The following MIDEAS variants were observed in gnomAD, a reference collection of about 807,000 sequenced individuals.
The protein encoded by MIDEAS is mitotic deacetylase-associated SANT domain protein.
In MIDEAS, 26 loss-of-function variants were observed where a neutral mutation model predicts 102.7. The observed-to-expected ratio is 0.25, with a 90% CI of 0.19 to 0.35. MIDEAS has a LOEUF of 0.35. Among genes scored for constraint, MIDEAS ranks in the 10% least tolerant of loss-of-function variants. The pLI, the probability that MIDEAS is intolerant of heterozygous loss-of-function variation, is 1.00. For missense variants in MIDEAS, 1,231 were observed against 1,435.6 expected, an observed-to-expected ratio of 0.86 and a Z score of 2.30; for synonymous variants, 585 against 591.0, an observed-to-expected ratio of 0.99 and a Z score of 0.15.
chr14:73,756,295 T>TGTGCGA (rs55692592), intron 1 of MIDEAS, among the ~76,000 whole-genome samples: 4 of 127,626 alleles, frequency 3.1e-5, no homozygotes, highest in African/African-American at 1.1e-4. Context: ...TGTGTGTGTG[T>TGTGCGA]GCGCGCGCGC....
At chr14:73,756,295 T>TGTGTGTGTGTGTGTGTGTGTGTGC (rs55692592) in intron 1 of MIDEAS, among the ~76,000 whole-genome samples, 2 of 127,626 alleles carry the variant, frequency 1.6e-5, no homozygotes, top group African/African-American at 5.4e-5. Context: ...TGTGTGTGTG[T>TGTGTGTGTGTGTGTGTGTGTGTGC]GCGCGCGCGC....
intron 1 of MIDEAS, among the ~76,000 whole-genome samples, chr14:73,776,265 TGGTC>T (rs2053687638): frequency 6.6e-6 from 1 of 152,012 alleles, no homozygotes; most frequent in South Asian, 2.1e-4. Context: ...TCCACTGGGA[TGGTC>T]AGATTCCAGA....
chr14:73,752,546 T>C (rs980374418), intron 1 of MIDEAS, among the ~76,000 whole-genome samples: 2 of 152,014 alleles, frequency 1.3e-5, no homozygotes, highest in African/African-American at 4.8e-5. Flanking sequence ...TATGGCTCCC[T>C]AGTACATGCT....
Position 73,725,405 on chromosome 14 carries a change from T to C in MIDEAS, c.2486-45A>G. 6.5e-7 allele frequency: 1 copy of C among 1,529,522 alleles called. No individual in the cohort carries two copies. Among genetic ancestry groups the C allele is most frequent in the Non-Finnish European group, 9.1e-7 (1 of 1,103,860 alleles). 94.7% of individuals were successfully genotyped at this position (1,529,522 alleles called of 1,614,324 possible). A position where few individuals can be genotyped will look rare whatever the true frequency, so the allele number is the denominator to read the frequency against. ...CCAGGGAGTGAGGTGGGCAGGGCCC[T>C]GGCCACTGCAGGGCAATTTTGACAA... On this transcript the variant is annotated intron_variant, in intron 8 of 12. Transcript: ENST00000423556. The surrounding 1 kb of genome is among the most constrained non-coding windows in gnomAD (Gnocchi z 4.1).
intron 10 of MIDEAS, 92 bp from the exon 11 acceptor site, chr14:73,721,601 C>T: frequency 8.6e-7 from 1 of 1,161,010 alleles, no homozygotes. Flanking sequence ...TCACCAGCCC[C>T]AGCTAGTCCT....
At chr14:73,777,471 G>A (rs927969214) in intron 1 of MIDEAS, among the ~76,000 whole-genome samples, 9 of 151,968 alleles carry the variant, frequency 5.9e-5, no homozygotes, top group Admixed American at 5.9e-4. Context: ...CCTTCTACCT[G>A]CACACGGGCT....
At chr14:73,789,782 T>A (rs754245982), upstream of MIDEAS, 2 of 152,220 alleles carry the variant, frequency 1.3e-5, no homozygotes, top group Non-Finnish European at 2.9e-5. Flanking sequence ...GGGTGTGGAC[T>A]CCTGCTTGGT....
intron 7 of MIDEAS, 113 bp downstream of exon 7, chr14:73,726,491 C>T: frequency 2.0e-6 from 2 of 1,018,664 alleles, no homozygotes; most frequent in Non-Finnish European, 2.9e-6. Context: ...TTAGTCAGAC[C>T]CTCCTACTGG....
chr14:73,767,984 C>A (rs996065952), intron 1 of MIDEAS, among the ~76,000 whole-genome samples: 2 of 151,704 alleles, frequency 1.3e-5, no homozygotes, highest in African/African-American at 4.9e-5. Context: ...CATGGTGAAA[C>A]CCCCATCTCC....
chr14:73,723,906 C>T (rs2053028399), intron 9 of MIDEAS: 1 of 152,230 alleles, frequency 6.6e-6, no homozygotes, highest in Admixed American at 6.5e-5. Flanking sequence ...ACAGAAATGT[C>T]ACAGTGTCCC....
intron 1 of MIDEAS, among the ~76,000 whole-genome samples, chr14:73,744,278 C>G (rs1344333080): frequency 6.6e-6 from 1 of 152,226 alleles, no homozygotes; most frequent in African/African-American, 2.4e-5. Flanking sequence ...CACCACAGGG[C>G]AAGGGGCCAG....
intron 1 of MIDEAS, among the ~76,000 whole-genome samples, chr14:73,782,322 G>A (rs139909117): frequency 3.9e-5 from 6 of 151,984 alleles, no homozygotes; most frequent in East Asian, 3.9e-4. Flanking sequence ...ACAAGCATGC[G>A]GCCAACCAGG....
At chr14:73,755,581 G>C (rs12889360) in intron 1 of MIDEAS, among the ~76,000 whole-genome samples, 28,512 of 151,976 alleles carry the variant, frequency 0.19, 3,535 homozygotes, top group Non-Finnish European at 0.27. Context: ...GAGCAGCTCA[G>C]CCTGGGGCCT....
chr14:73,782,064 C>T, intron 1 of MIDEAS, among the ~76,000 whole-genome samples: 1 of 152,084 alleles, frequency 6.6e-6, no homozygotes, highest in Non-Finnish European at 1.5e-5. Context: ...CTACCAGATT[C>T]TATTTTTAAA....
intron 1 of MIDEAS, among the ~76,000 whole-genome samples, chr14:73,769,522 G>A (rs902028385): frequency 6.6e-6 from 1 of 152,188 alleles, no homozygotes; most frequent in Non-Finnish European, 1.5e-5. Context: ...TTGCATATAC[G>A]TTGCTGTGCT....
At chr14:73,775,594 C>T (rs1257682148) in intron 1 of MIDEAS, among the ~76,000 whole-genome samples, 6 of 152,114 alleles carry the variant, frequency 3.9e-5, no homozygotes, top group Non-Finnish European at 7.4e-5. Flanking sequence ...ATGACACTCC[C>T]AGCTTCCTGG....
Position 73,729,836 on chromosome 14 carries a change from G to A in MIDEAS, c.1899C>T (p.His633=). 1 of 1,614,062 alleles carries A rather than the reference G, an allele frequency of 6.2e-7. No individual in the cohort carries two copies. Among genetic ancestry groups the A allele is most frequent in the Non-Finnish European group, 8.5e-7 (1 of 1,180,044 alleles). Reference sequence around the variant, plus strand: ...CAGCTAGGCGCACGGGAGAGCGCAGGTGGCTCTGGTATGGGGTGATGTTGG... The same window carrying A: ...CAGCTAGGCGCACGGGAGAGCGCAGATGGCTCTGGTATGGGGTGATGTTGG... ...VYSNITPYQS[H]LRSPVRLADH... Residue 633 remains histidine, a synonymous_variant, in exon 4 of 13, where the codon CAC becomes CAT. Transcript: ENST00000423556.
upstream of MIDEAS, among the ~76,000 whole-genome samples, chr14:73,764,353 A>G (rs56109612): frequency 6.9e-6 from 1 of 145,614 alleles, no homozygotes; most frequent in African/African-American, 2.5e-5. Flanking sequence ...AAAAAAAAAA[A>G]AAAAAAAAAA....
In MIDEAS at chr14:73,721,481, A is replaced by G; in HGVS notation, c.2753T>C (p.Leu918Pro). The G allele has an allele frequency of 6.2e-7, 1 of 1,614,066 alleles. No homozygotes were observed. Among genetic ancestry groups the G allele is most frequent in the Non-Finnish European group, 8.5e-7 (1 of 1,179,998 alleles). The part of the protein sequence containing the change: ...KTSQKFPRVP[L>P]PRRESPSEER... ...TTCACTTGGGGACTCTCTTCTGGGA[A>G]GAGGCACCCTTGGGAACTTTTGGGA... Residue 918 changes from leucine (L) to proline (P), a missense_variant, in exon 11 of 13, where the codon CTT becomes CCT. Around this residue, in one of 5 missense-constraint regions of MIDEAS, gnomAD observed 391 missense variants for 483.0 expected, o/e 0.81. Coordinates refer to ENST00000423556, the MANE Select transcript of MIDEAS (RefSeq NM_001367710.1).
Sources: gnomAD v4.1 joint callset for allele counts (sites outside exome capture counted in the v4.1 genomes callset) on GRCh38, gnomAD v4.1.1 for gene constraint, gnomAD v4.1.1 regional missense constraint, Gnocchi (gnomAD v3.1) non-coding constraint, MANE v1.5 for transcripts, NCBI Gene and HGNC (gene_info 2026-07-23, HGNC 2026-07-21) for gene names.